Variants in SLC23A2 observed in about 807,000 individuals in gnomAD.
SLC23A2 encodes solute carrier family 23 member 2.
Under a neutral mutation model 73.3 loss-of-function variants are expected in SLC23A2, and 36 were observed. That is an observed-to-expected ratio of 0.49 (90% confidence interval 0.38 to 0.65). The LOEUF is 0.65. SLC23A2 is among the 30% of genes least tolerant of loss of function. The probability of loss-of-function intolerance (pLI) is 0.00; values close to 1 mark genes in which losing one functional copy is unlikely to be tolerated. For synonymous variants in SLC23A2, 343 were observed against 327.3 expected, an observed-to-expected ratio of 1.05 and a Z score of -0.52; for missense variants, 507 against 841.6, an observed-to-expected ratio of 0.60 and a Z score of 4.92.
chr20:4,904,435 C>T (rs1297126778), intron 4 of SLC23A2, among the ~76,000 whole-genome samples: 2 of 150,328 alleles, frequency 1.3e-5, no homozygotes, highest in Admixed American at 1.3e-4. Context: ...TGATTTTAAT[C>T]TGTATCCTTT....
chr20:4,874,105 A>AG lies in SLC23A2; in HGVS notation c.946-14dup, dbSNP rs780690696. 1 of 1,609,678 alleles carries AG rather than the reference A, an allele frequency of 6.2e-7. No homozygotes were observed. The highest frequency in any genetic ancestry group is 8.5e-7 in the Non-Finnish European group (1 of 1,178,358). ...TGGCCAGGATGATCTGGAGTGGTCAAGGGGAAGCTCTGTCAGGCCAGCAGG... is the reference window on the plus strand; with the variant it reads ...TGGCCAGGATGATCTGGAGTGGTCAAGGGGGAAGCTCTGTCAGGCCAGCAGG... On this transcript the variant is annotated splice_polypyrimidine_tract_variant and intron_variant, in intron 10 of 16. Coordinates refer to ENST00000338244, the MANE Select transcript of SLC23A2 (RefSeq NM_005116.6).
intron 9 of SLC23A2, among the ~76,000 whole-genome samples, chr20:4,875,558 C>T (rs1327471168): frequency 6.6e-6 from 1 of 152,170 alleles, no homozygotes; most frequent in Non-Finnish European, 1.5e-5. Flanking sequence ...AGTCCCTCTC[C>T]TTGAGCCTCA....
In SLC23A2 at chr20:4,874,040, G is replaced by A. The variant is rs761206168; in HGVS notation, c.998C>T (p.Thr333Ile). ...TGTGCTGTCGGGAGGGAAGACATCTGTCACCGTGAAGATGAAGCAGAGCAG... is the reference window on the plus strand; with the variant it reads ...TGTGCTGTCGGGAGGGAAGACATCTATCACCGTGAAGATGAAGCAGAGCAG... ...SWLLCFIFTV[T>I]DVFPPDSTKY... The change falls in exon 11 of 17, where the codon ACA becomes ATA. Residue 333 changes from threonine (T) to isoleucine (I), a missense_variant. By Grantham distance (89) the Thr-to-Ile change is moderately conservative (BLOSUM62 -1). This residue lies in a region of SLC23A2 where 217 missense variants were observed against 398.0 expected (regional missense o/e 0.55). Transcript: ENST00000338244. 6.2e-7 allele frequency: 1 copy of A among 1,614,158 alleles called. No individual in the cohort carries two copies. Among genetic ancestry groups the A allele is most frequent in the Admixed American group, 1.7e-5 (1 of 60,028 alleles).
intron 2 of SLC23A2, among the ~76,000 whole-genome samples, chr20:4,951,973 C>T (rs1033107985): frequency 4.6e-5 from 7 of 151,534 alleles, no homozygotes; most frequent in East Asian, 1.9e-4. Context: ...TGTGATGGCA[C>T]GTGCCTGTAA....
chr20:4,980,501 A>G (rs2087709069), intron 1 of SLC23A2, among the ~76,000 whole-genome samples: 2 of 151,734 alleles, frequency 1.3e-5, no homozygotes, highest in Non-Finnish European at 1.5e-5. Context: ...AGTTATATAT[A>G]TTGTATATAT....
intron 2 of SLC23A2, 119 bp from the exon 3 acceptor site, chr20:4,932,835 A>T (rs1400962184): frequency 6.8e-6 from 2 of 292,538 alleles, no homozygotes; most frequent in Non-Finnish European, 1.3e-5. Flanking sequence ...AAGCATCCAA[A>T]AAATACTTTA....
chr20:4,957,029 A>C (rs1467189910), intron 2 of SLC23A2, among the ~76,000 whole-genome samples: 4 of 151,046 alleles, frequency 2.6e-5, no homozygotes, highest in Non-Finnish European at 5.9e-5. Flanking sequence ...CTGGTCTCGA[A>C]CTCCTGACCT....
At chr20:4,925,929 C>T (rs567165442) in intron 3 of SLC23A2, among the ~76,000 whole-genome samples, 10 of 152,362 alleles carry the variant, frequency 6.6e-5, no homozygotes, top group Admixed American at 5.2e-4. Flanking sequence ...TCACAGCACC[C>T]GTGCAGAATT....
intron 2 of SLC23A2, among the ~76,000 whole-genome samples, chr20:4,959,776 C>A (rs950382954): frequency 3.2e-4 from 49 of 152,158 alleles, no homozygotes; most frequent in Non-Finnish European, 7.4e-5. Flanking sequence ...AGGCGTGAGT[C>A]ACCATATCAG....
intron 6 of SLC23A2, among the ~76,000 whole-genome samples, chr20:4,896,366 C>T (rs762037659): frequency 2.0e-5 from 3 of 152,114 alleles, no homozygotes; most frequent in East Asian, 1.9e-4. Context: ...ACCTGCTGGT[C>T]GGAGAGGAAG....
At chr20:4,997,569 A>G (rs1426269769) in intron 1 of SLC23A2, among the ~76,000 whole-genome samples, 1 of 152,312 alleles carries the variant, frequency 6.6e-6, no homozygotes, top group East Asian at 1.9e-4. Context: ...TTAGAGATAG[A>G]GCCTTTAGGA....
chr20:4,868,752 G>A lies in SLC23A2; in HGVS notation c.1251-877C>T, dbSNP rs923654527. ...AATCTCATCACACACAGTCCCTTCTGGGGTTACAGAGCTGGCTGGAGAACA... is the reference window on the plus strand; with the variant it reads ...AATCTCATCACACACAGTCCCTTCTAGGGTTACAGAGCTGGCTGGAGAACA... On this transcript the variant is annotated intron_variant, in intron 12 of 16. Transcript: ENST00000338244. The surrounding 1 kb of genome is among the most constrained non-coding windows in gnomAD (Gnocchi z 4.4). 2.6e-5 allele frequency among the ~76,000 whole-genome samples: 4 copies of A among 152,272 alleles called. No individual in the cohort carries two copies. In the East Asian group the frequency reaches 7.7e-4, roughly 29 times the overall value.
intron 12 of SLC23A2, among the ~76,000 whole-genome samples, chr20:4,869,361 C>G (rs1930339992): frequency 1.4e-5 from 2 of 142,342 alleles, no homozygotes; most frequent in Admixed American, 7.1e-5. Context: ...AACCTGTAAG[C>G]AGTGAAGAGC....
chr20:4,971,566 G>A (rs986803541), intron 1 of SLC23A2, among the ~76,000 whole-genome samples: 9 of 148,964 alleles, frequency 6.0e-5, no homozygotes, highest in Non-Finnish European at 1.2e-4. Flanking sequence ...AGGATCACTT[G>A]AGGCCAGGAG....
intron 1 of SLC23A2, among the ~76,000 whole-genome samples, chr20:4,985,240 T>G (rs2087805797): frequency 2.0e-5 from 3 of 152,026 alleles, no homozygotes; most frequent in African/African-American, 7.2e-5. Context: ...ACACAAAAAC[T>G]TGTATTCAAA....
intron 3 of SLC23A2, among the ~76,000 whole-genome samples, chr20:4,917,290 G>A (rs1932359115): frequency 6.6e-6 from 1 of 152,224 alleles, no homozygotes; most frequent in Non-Finnish European, 1.5e-5. Context: ...GGAGACAGGA[G>A]CTGGGCAAAG....
chr20:4,948,981 A>G (rs1363074349), intron 2 of SLC23A2, among the ~76,000 whole-genome samples: 1 of 152,126 alleles, frequency 6.6e-6, no homozygotes, highest in Non-Finnish European at 1.5e-5. Context: ...GACTTCTGAA[A>G]CTCTGCATAG....
intron 6 of SLC23A2, among the ~76,000 whole-genome samples, chr20:4,892,121 CG>C (rs1302509210): frequency 6.6e-6 from 1 of 151,976 alleles, no homozygotes; most frequent in East Asian, 1.9e-4. Flanking sequence ...TCCAAAGTCA[CG>C]TGACTATTAA....
Position 4,921,172 on chromosome 20 carries a change from GTTCTGT to G in SLC23A2, c.109-8200_109-8195del, listed in dbSNP as rs537961104. Among the ~76,000 whole-genome samples, 6 of 152,312 alleles carry G rather than the reference GTTCTGT, an allele frequency of 3.9e-5. No homozygotes were observed. In the East Asian group the frequency reaches 1.2e-3, roughly 29 times the overall value. On this transcript the variant is annotated intron_variant, in intron 3 of 16. Transcript: ENST00000338244. ...GATTTGCTATATGTCACAATTACAAGTTCTGTTTCTAATAACATTGAGATGCCACGA... is the reference window on the plus strand; with the variant it reads ...GATTTGCTATATGTCACAATTACAAGTTCTAATAACATTGAGATGCCACGA...
Sources: gnomAD v4.1 joint callset for allele counts (sites outside exome capture counted in the v4.1 genomes callset) on GRCh38, gnomAD v4.1.1 for gene constraint, gnomAD v4.1.1 regional missense constraint, Gnocchi (gnomAD v3.1) non-coding constraint, MANE v1.5 for transcripts, NCBI Gene and HGNC (gene_info 2026-07-23, HGNC 2026-07-21) for gene names.